Variants in ATG13 observed in about 807,000 individuals in gnomAD.
ATG13 encodes the protein autophagy related 13, also known as autophagy-related protein 13.
A neutral mutation model predicts 65.5 loss-of-function variants in ATG13; 23 were observed. The observed-to-expected ratio is 0.35, with a 90% confidence interval of 0.25 to 0.50. The LOEUF (loss-of-function observed/expected upper bound fraction) is 0.50. ATG13 is among the 20% of genes least tolerant of loss of function. The pLI is 0.98. For synonymous variants in ATG13, 252 were observed against 245.2 expected, an observed-to-expected ratio of 1.03 and a Z score of -0.26; for missense variants, 566 against 677.0, an observed-to-expected ratio of 0.84 and a Z score of 1.82.
intron 7 of ATG13, among the ~76,000 whole-genome samples, chr11:46,653,915 C>G (rs1451883171): frequency 6.6e-6 from 1 of 152,012 alleles, no homozygotes; most frequent in Admixed American, 6.6e-5. Flanking sequence ...TGAATAAACC[C>G]ATGTGTATAT....
intron 5 of ATG13, chr11:46,648,755 C>A (rs901408430): frequency 7.4e-6 from 1 of 135,230 alleles, no homozygotes; most frequent in African/African-American, 2.9e-5. Context: ...CCAGCCTGGG[C>A]GACAGAGTGA....
chr11:46,672,325 TGCA>T lies in ATG13; in HGVS notation c.1648_1650del (p.Gln550del). The stretch of plus-strand genomic sequence containing the variant: ...GAGTTTGATGCCTTTGTGGAAACCC[TGCA>T]GTAAAAGTATCCTTGAGTCCCAGCA... On this transcript the variant is annotated inframe_deletion, in exon 19 of 19. Transcript: ENST00000683050. 1 of 1,614,262 alleles carries T rather than the reference TGCA, an allele frequency of 6.2e-7. No homozygotes were observed. The highest frequency in any genetic ancestry group is 8.5e-7 in the Non-Finnish European group (1 of 1,180,046).
chr11:46,619,310 T>G (rs1315297372), intron 1 of ATG13, among the ~76,000 whole-genome samples: 1 of 151,398 alleles, frequency 6.6e-6, no homozygotes. Flanking sequence ...TAAAGGGATT[T>G]AAAGGTTATT....
intron 2 of ATG13, among the ~76,000 whole-genome samples, chr11:46,631,936 G>A (rs2051916444): frequency 6.6e-6 from 1 of 152,090 alleles, no homozygotes; most frequent in Non-Finnish European, 1.5e-5. Context: ...CTTACACTTT[G>A]GGAACCTCAA....
rs142536582 is a variant in ATG13, at chr11:46,645,388, G to T, written c.119G>T (p.Arg40Leu). The T allele has an allele frequency of 6.2e-7, 1 of 1,613,490 alleles. No individual in the cohort carries two copies. The highest frequency in any genetic ancestry group is 1.7e-5 in the Admixed American group (1 of 59,962). ...QARLGEKICT[R>L]SSSSPTGSDW... ...CGGCTTGGTGAAAAGATTTGCACTC[G>T]TTCATCATCTTCTCCAACGGGTTCA... Residue 40 changes from arginine (R) to leucine (L), a missense_variant, in exon 4 of 19, where the codon CGT becomes CTT. Around this residue, in one of 2 missense-constraint regions of ATG13, gnomAD observed 179 missense variants for 267.2 expected, o/e 0.67. Coordinates refer to ENST00000683050, the MANE Select transcript of ATG13 (RefSeq NM_001346311.2).
At chr11:46,634,942 C>G (rs1391932295) in intron 2 of ATG13, among the ~76,000 whole-genome samples, 1 of 151,950 alleles carries the variant, frequency 6.6e-6, no homozygotes, top group African/African-American at 2.4e-5. Flanking sequence ...ACCTTGTGAT[C>G]CGCCCGACTC....
chr11:46,630,367 G>A (rs1049182715), intron 2 of ATG13, among the ~76,000 whole-genome samples: 14 of 152,268 alleles, frequency 9.2e-5, no homozygotes, highest in Admixed American at 2.0e-4. Flanking sequence ...GAGGTTCTAG[G>A]TAGCTAAGGT....
At chr11:46,633,026 A>AT (rs746504456) in intron 2 of ATG13, among the ~76,000 whole-genome samples, 971 of 90,688 alleles carry the variant, frequency 0.011, 23 homozygotes, top group African/African-American at 0.057. Context: ...ATATATATAT[A>AT]TTTTTTTTTT....
chr11:46,619,010 C>T (rs536098810), intron 1 of ATG13, among the ~76,000 whole-genome samples: 2 of 152,178 alleles, frequency 1.3e-5, no homozygotes, highest in Admixed American at 6.6e-5. Context: ...AGGAAGTTTA[C>T]TTGAACTTTA....
intron 2 of ATG13, among the ~76,000 whole-genome samples, chr11:46,633,006 ATAT>A (rs2052426362): frequency 2.0e-5 from 2 of 99,168 alleles, no homozygotes; most frequent in African/African-American, 1.0e-4. Flanking sequence ...AAAAAAAAAT[ATAT>A]ATATATATAT....
intron 7 of ATG13, among the ~76,000 whole-genome samples, chr11:46,652,289 T>C (rs1341423813): frequency 6.6e-6 from 1 of 151,674 alleles, no homozygotes; most frequent in Non-Finnish European, 1.5e-5. Context: ...AGGATGTTGA[T>C]CATTTAGGAG....
intron 2 of ATG13, among the ~76,000 whole-genome samples, chr11:46,637,316 C>T (rs189698773): frequency 6.6e-6 from 1 of 152,256 alleles, no homozygotes; most frequent in East Asian, 1.9e-4. Flanking sequence ...TGCAATAAAA[C>T]AAAATGTTTC....
intron 1 of ATG13, among the ~76,000 whole-genome samples, chr11:46,627,884 A>G (rs1375881844): frequency 1.3e-5 from 2 of 151,928 alleles, no homozygotes; most frequent in East Asian, 1.9e-4. Context: ...GGAGTTCACA[A>G]CCAGCCTGGG....
intron 1 of ATG13, among the ~76,000 whole-genome samples, chr11:46,627,207 C>T (rs1008626635): frequency 2.0e-5 from 3 of 152,132 alleles, no homozygotes; most frequent in Non-Finnish European, 4.4e-5. Flanking sequence ...TGATGAAACC[C>T]TATCTCTACA....
Position 46,667,818 on chromosome 11 carries a change from C to G in ATG13, c.1182C>G (p.Ser394=). ...CAAACAGCAGTGAGGGACGGGCCTC[C>G]CCTCACGATGTCTTGGAGACCATCT... ...TVSNSSEGRA[S]PHDVLETIFV... The change falls in exon 15 of 19, where the codon TCC becomes TCG. Residue 394 remains serine (S), a synonymous_variant. Transcript: ENST00000683050. 6.2e-7 allele frequency: 1 copy of G among 1,612,026 alleles called. No homozygotes were observed. Among genetic ancestry groups the G allele is most frequent in the Non-Finnish European group, 8.5e-7 (1 of 1,178,230 alleles).
In ATG13 at chr11:46,667,754, C is replaced by T. The variant is rs368943096; in HGVS notation, c.1137-19C>T. ...GCTGTGGTTTGAGAACGAGTACTAA[C>T]TTCACCTTTCTCCTCCAGTGAGGAT... On this transcript the variant is annotated intron_variant, in intron 14 of 18. Transcript: ENST00000683050. 6 of 1,572,790 alleles carry T rather than the reference C, an allele frequency of 3.8e-6. No homozygotes were observed. In the African/African-American group the frequency reaches 8.1e-5, roughly 21 times the overall value.
chr11:46,627,882 C>T (rs1303254985), intron 1 of ATG13, among the ~76,000 whole-genome samples: 1 of 151,810 alleles, frequency 6.6e-6, no homozygotes, highest in Non-Finnish European at 1.5e-5. Context: ...CAGGAGTTCA[C>T]AACCAGCCTG....
chr11:46,632,267 A>G (rs950435003), intron 2 of ATG13: 1 of 152,248 alleles, frequency 6.6e-6, no homozygotes, highest in African/African-American at 2.4e-5. Flanking sequence ...TGGGAACTGC[A>G]TAAATTTTTT....
At chr11:46,656,900 C>A in intron 8 of ATG13, 195 bp from the exon 9 acceptor site, 1 of 567,472 alleles carries the variant, frequency 1.8e-6, no homozygotes, top group Non-Finnish European at 3.1e-6. Flanking sequence ...AGGGAAGAAA[C>A]CTATATATAC....
Sources: allele counts gnomAD v4.1 joint callset (sites outside exome capture counted in the v4.1 genomes callset), GRCh38; gene constraint gnomAD v4.1.1; regional missense constraint gnomAD v4.1.1; transcripts MANE v1.5; gene names NCBI Gene and HGNC (gene_info 2026-07-23, HGNC 2026-07-21).